Variants in VAT1L observed in about 807,000 individuals in gnomAD.
VAT1L encodes putative NADPH-dependent quinone oxidoreductase VAT1L.
In VAT1L, 34 loss-of-function variants were observed where a neutral mutation model predicts 44.1. The observed-to-expected ratio is 0.77, with a 90% CI of 0.59 to 1.03. The LOEUF (loss-of-function observed/expected upper bound fraction) is 1.03. Among genes scored for constraint, VAT1L ranks in the 50% least tolerant of loss-of-function variants. The pLI is 0.00. For missense variants in VAT1L, 615 were observed against 538.8 expected (o/e 1.14, Z -1.40); for synonymous variants, 253 against 202.2 (o/e 1.25, Z -2.13).
chr16:77,842,091 G>T (rs1597062079), intron 3 of VAT1L, among the ~76,000 whole-genome samples: 1 of 152,142 alleles, frequency 6.6e-6, no homozygotes, highest in African/African-American at 2.4e-5. Flanking sequence ...GTTTCACCAT[G>T]TTAGCCAGGA....
At chr16:77,926,364 C>T (rs1158010861) in intron 7 of VAT1L, among the ~76,000 whole-genome samples, 1 of 151,988 alleles carries the variant, frequency 6.6e-6, no homozygotes, top group Non-Finnish European at 1.5e-5. Flanking sequence ...AGGCAGATCG[C>T]CTAAGGACAG....
intron 7 of VAT1L, among the ~76,000 whole-genome samples, chr16:77,917,876 G>C (rs957343949): frequency 2.6e-5 from 4 of 152,140 alleles, no homozygotes; most frequent in African/African-American, 9.7e-5. Flanking sequence ...CTTTGCTTAG[G>C]GGAGCCCCAG....
chr16:77,849,190 A>C (rs1195467430), intron 3 of VAT1L, among the ~76,000 whole-genome samples: 1 of 152,204 alleles, frequency 6.6e-6, no homozygotes, highest in Non-Finnish European at 1.5e-5. Context: ...AAAGTATAAT[A>C]ACAAAAAAAA....
chr16:77,856,501 G>T (rs138086888), intron 3 of VAT1L, among the ~76,000 whole-genome samples: 1 of 152,164 alleles, frequency 6.6e-6, no homozygotes, highest in Non-Finnish European at 1.5e-5. Context: ...AGGCAGTGTA[G>T]TAAGCCTTTA....
intron 3 of VAT1L, among the ~76,000 whole-genome samples, chr16:77,825,861 A>AT (rs1555513056): frequency 1.3e-5 from 2 of 149,812 alleles, no homozygotes; most frequent in African/African-American, 2.5e-5. Context: ...CTAAAAATAA[A>AT]AAAAAAAAAA....
chr16:77,942,596 T>C (rs1305410180), intron 7 of VAT1L, among the ~76,000 whole-genome samples: 1 of 152,232 alleles, frequency 6.6e-6, no homozygotes, highest in Admixed American at 6.5e-5. Context: ...GCATCCATAG[T>C]TGCCTCATTT....
intron 7 of VAT1L, among the ~76,000 whole-genome samples, chr16:77,970,506 T>G (rs75796760): frequency 6.6e-6 from 1 of 152,248 alleles, no homozygotes; most frequent in African/African-American, 2.4e-5. Context: ...AATTCTGCTA[T>G]GTAGTCTTTG....
intron 3 of VAT1L, among the ~76,000 whole-genome samples, chr16:77,846,576 G>GTA (rs2016760015): frequency 6.6e-6 from 1 of 152,084 alleles, no homozygotes; most frequent in Non-Finnish European, 1.5e-5. Context: ...TAGACACAAA[G>GTA]TATACAGTCA....
chr16:77,879,150 G>A lies in VAT1L; in HGVS notation c.827-19G>A. On this transcript the variant is annotated intron_variant, in intron 5 of 8. Transcript: ENST00000302536. This position sits in a 1 kb window ranked among gnomAD's most constrained non-coding sequence, Gnocchi z 4.1. ...ATTTTCATTAGCAATTGCTTAATGT[G>A]GGAATCTTTCATTTTCAGGCTCATC... The A allele has an allele frequency of 6.2e-7, 1 of 1,613,718 alleles. No homozygotes were observed. The highest frequency in any genetic ancestry group is 8.5e-7 in the Non-Finnish European group (1 of 1,179,762).
At chr16:77,977,532 C>T in intron 8 of VAT1L, 65 bp from the exon 9 acceptor site, 7 of 1,529,496 alleles carry the variant, frequency 4.6e-6, no homozygotes, top group South Asian at 1.2e-5. Flanking sequence ...AGGACTCTGT[C>T]AGATGCTCAG....
intron 7 of VAT1L, among the ~76,000 whole-genome samples, chr16:77,943,663 A>G (rs993536706): frequency 4.6e-5 from 7 of 152,058 alleles, no homozygotes; most frequent in African/African-American, 1.2e-4. Flanking sequence ...CGGCCTCCCA[A>G]AGTGCTGGGA....
intron 1 of VAT1L, among the ~76,000 whole-genome samples, chr16:77,811,855 C>G (rs1003492090): frequency 5.9e-5 from 9 of 152,096 alleles, no homozygotes; most frequent in Non-Finnish European, 2.9e-5. Flanking sequence ...GTCTTTTTCT[C>G]AAGACCACCA....
intron 1 of VAT1L, among the ~76,000 whole-genome samples, chr16:77,812,823 A>T (rs544622383): frequency 6.6e-6 from 1 of 152,272 alleles, no homozygotes; most frequent in East Asian, 1.9e-4. Flanking sequence ...CCATGTCTCA[A>T]TGATAACTCT....
At chr16:77,858,053 A>G (rs1479931523) in intron 3 of VAT1L, among the ~76,000 whole-genome samples, 1 of 152,114 alleles carries the variant, frequency 6.6e-6, no homozygotes, top group Non-Finnish European at 1.5e-5. Context: ...TTTACCAGAC[A>G]TTTACTATGT....
chr16:77,854,952 ACT>A (rs2016843190), intron 3 of VAT1L, among the ~76,000 whole-genome samples: 1 of 152,172 alleles, frequency 6.6e-6, no homozygotes, highest in Non-Finnish European at 1.5e-5. Context: ...CTCCAAATAC[ACT>A]GTTTTTGGCC....
rs2017088033 is a variant in VAT1L at position 77,876,454 on chromosome 16, G to A, written c.807G>A (p.Leu269=). The A allele has an allele frequency of 6.2e-7, 1 of 1,614,026 alleles. No homozygotes were observed. Among genetic ancestry groups the A allele is most frequent in the Non-Finnish European group, 8.5e-7 (1 of 1,180,020 alleles). Residue 269 remains leucine, a synonymous_variant, in exon 5 of 9, where the codon CTG becomes CTA. Transcript: ENST00000302536. ...AAGGTCTCAGTCTTCTCAAACCCCT[G>A]GGAACCTACATTTTATATGGTGAGT... ...TGKGLSLLKP[L]GTYILYGSSN...
chr16:77,803,635 G>A (rs1242871896), intron 1 of VAT1L, among the ~76,000 whole-genome samples: 7 of 151,942 alleles, frequency 4.6e-5, no homozygotes, highest in African/African-American at 1.2e-4. Context: ...TAGCCAGGAT[G>A]GTCTCGATTT....
At chr16:77,837,745 GT>G (rs1213229285) in intron 3 of VAT1L, among the ~76,000 whole-genome samples, 6 of 152,112 alleles carry the variant, frequency 3.9e-5, no homozygotes, top group Admixed American at 2.0e-4. Flanking sequence ...CTTGGACTTT[GT>G]TTCTTCCTCT....
chr16:77,801,897 C>A (rs2016063193), intron 1 of VAT1L, among the ~76,000 whole-genome samples: 1 of 152,102 alleles, frequency 6.6e-6, no homozygotes, highest in African/African-American at 2.4e-5. Context: ...TAAAATTGTT[C>A]CTACTGGGGA....
Sources: allele counts gnomAD v4.1 joint callset (sites outside exome capture counted in the v4.1 genomes callset), GRCh38; gene constraint gnomAD v4.1.1; non-coding constraint Gnocchi (gnomAD v3.1); transcripts MANE v1.5; gene names NCBI Gene and HGNC (gene_info 2026-07-23, HGNC 2026-07-21).